The following DEPTOR variants were observed in gnomAD, a reference collection of about 807,000 sequenced individuals.
DEPTOR encodes the protein DEP domain containing MTOR interacting protein.
In DEPTOR, 41 loss-of-function variants were observed where a neutral mutation model predicts 41.6. That is an observed-to-expected ratio of 0.98 (90% confidence interval 0.77 to 1.28). The LOEUF is 1.28. DEPTOR is among the 50% of genes most tolerant of loss of function. The probability of loss-of-function intolerance (pLI) is 0.00; values close to 1 mark genes in which losing one functional copy is unlikely to be tolerated. For missense variants in DEPTOR, 514 were observed against 527.9 expected, an observed-to-expected ratio of 0.97 and a Z score of 0.26; for synonymous variants, 195 against 192.3, an observed-to-expected ratio of 1.01 and a Z score of -0.12.
At chr8:119,979,471 C>A (rs1206072100) in intron 4 of DEPTOR, among the ~76,000 whole-genome samples, 1 of 152,062 alleles carries the variant, frequency 6.6e-6, no homozygotes, top group Non-Finnish European at 1.5e-5. Context: ...CAATGTTGCC[C>A]AGGCTGGCCT....
At chr8:119,938,903 CTCTTTCTT>C (rs912154152) in intron 3 of DEPTOR, among the ~76,000 whole-genome samples, 2 of 140,774 alleles carry the variant, frequency 1.4e-5, no homozygotes, top group Non-Finnish European at 3.1e-5. Context: ...TTCTCTTTCT[CTCTTTCTT>C]TCTCTTTCTT....
intron 4 of DEPTOR, among the ~76,000 whole-genome samples, chr8:119,994,048 C>A (rs753660417): frequency 6.6e-6 from 1 of 151,346 alleles, no homozygotes; most frequent in Non-Finnish European, 1.5e-5. Context: ...CCCAGCTACT[C>A]GGGAGGCTGA....
chr8:119,900,356 A>ATTTTTTT (rs1827572863), intron 1 of DEPTOR, among the ~76,000 whole-genome samples: 1 of 104,646 alleles, frequency 9.6e-6, no homozygotes. Context: ...AAAAAAAACT[A>ATTTTTTT]AATGTCTATT....
In DEPTOR at chr8:119,922,107, C is replaced by CGG. The variant is rs1316025198; in HGVS notation, c.123-6291_123-6290dup. On this transcript the variant is annotated intron_variant, in intron 1 of 8. Transcript: ENST00000286234. ...ACAAAAAATTAGCTGGGCATGGTGG[C>CGG]GGGCACCTGTAATTCCCACTACTCG... is the stretch of plus-strand genomic sequence containing the variant. Among the ~76,000 whole-genome samples, 3 of 151,758 alleles carry CGG rather than the reference C, an allele frequency of 2.0e-5. No individual in the cohort carries two copies. In the East Asian group the frequency reaches 5.8e-4, roughly 30 times the overall value.
At chr8:120,025,781 C>G (rs1478159046) in intron 8 of DEPTOR, among the ~76,000 whole-genome samples, 1 of 151,954 alleles carries the variant, frequency 6.6e-6, no homozygotes, top group East Asian at 2.0e-4. Context: ...TCTGCTCTTG[C>G]ACCCTTATCA....
intron 5 of DEPTOR, among the ~76,000 whole-genome samples, 186 bp from the exon 6 acceptor site, chr8:120,002,791 A>AAAAAAAATATATATATATATATATAT: frequency 1.6e-5 from 1 of 60,672 alleles, no homozygotes; most frequent in Non-Finnish European, 2.9e-5. Context: ...AAAAAAAAAA[A>AAAAAAAATATATATATATATATATAT]ATATATATAT....
chr8:119,940,585 A>C (rs1205664083), intron 3 of DEPTOR, among the ~76,000 whole-genome samples: 2 of 151,904 alleles, frequency 1.3e-5, no homozygotes, highest in Non-Finnish European at 2.9e-5. Flanking sequence ...GTCTCTACTG[A>C]AAATACAAAA....
At chr8:119,887,170 T>C (rs1399113198) in intron 1 of DEPTOR, among the ~76,000 whole-genome samples, 4 of 64,596 alleles carry the variant, frequency 6.2e-5, no homozygotes, top group African/African-American at 1.9e-4. Context: ...CTCCCCTCCC[T>C]TCCCTTCCCT....
In DEPTOR at chr8:120,049,966, G is replaced by C. The variant is rs886573598; in HGVS notation, c.*262G>C. 3.6e-6 allele frequency: 1 copy of C among 280,086 alleles called. No individual in the cohort carries two copies. The highest frequency in any genetic ancestry group is 2.2e-5 in the African/African-American group (1 of 45,852). The allele number at this position is 280,086 out of a possible 1,614,324, so 17.4% of individuals were successfully genotyped here. On this transcript the variant is annotated 3_prime_UTR_variant, in exon 9 of 9. Transcript: ENST00000286234. ...GAACTGCCTTACTAGATTTCTATTT[G>C]TAGCTCTCATTCATTGTTTTTTATC...
chr8:120,030,774 G>A (rs1029816574), intron 8 of DEPTOR, among the ~76,000 whole-genome samples: 3 of 151,882 alleles, frequency 2.0e-5, no homozygotes, highest in African/African-American at 7.3e-5. Flanking sequence ...GATTACCGGT[G>A]TAAGCCGCCA....
At chr8:119,925,219 G>C (rs147386543) in intron 1 of DEPTOR, among the ~76,000 whole-genome samples, 2 of 151,966 alleles carry the variant, frequency 1.3e-5, no homozygotes, top group African/African-American at 4.8e-5. Flanking sequence ...GTGAAACCCC[G>C]TCTCTACTAA....
chr8:119,959,597 G>A (rs1828463973), intron 3 of DEPTOR, among the ~76,000 whole-genome samples: 1 of 151,678 alleles, frequency 6.6e-6, no homozygotes, highest in Non-Finnish European at 1.5e-5. Context: ...TGCGATCTCG[G>A]TTCACTGCAA....
At chr8:119,919,789 T>C (rs1320875888) in intron 1 of DEPTOR, among the ~76,000 whole-genome samples, 3 of 152,264 alleles carry the variant, frequency 2.0e-5, no homozygotes, top group Non-Finnish European at 4.4e-5. Context: ...CTGAGATTTA[T>C]GACGCTGTTT....
intron 1 of DEPTOR, among the ~76,000 whole-genome samples, chr8:119,927,520 T>C (rs539578471): frequency 3.0e-4 from 46 of 150,826 alleles, no homozygotes; most frequent in African/African-American, 1.1e-3. Context: ...AGGCAGATTC[T>C]TCCTTTATGA....
At chr8:119,962,895 G>A (rs560711387) in intron 3 of DEPTOR, among the ~76,000 whole-genome samples, 1 of 152,164 alleles carries the variant, frequency 6.6e-6, no homozygotes, top group African/African-American at 2.4e-5. Context: ...TGGGCAGGGG[G>A]TGAGGAAGAG....
intron 1 of DEPTOR, among the ~76,000 whole-genome samples, chr8:119,911,609 T>C (rs62528671): frequency 0.72 from 108,788 of 151,638 alleles, 39,456 homozygotes; most frequent in East Asian, 0.95. Flanking sequence ...TGAGCCACCG[T>C]GCCTGGCCCC....
Position 119,923,023 on chromosome 8 carries a change from G to T in DEPTOR, c.123-5377G>T, listed in dbSNP as rs1443765477. ...CCGAACATGGGCTGGTTGTCAAAAG[G>T]AAGAACTGAACCTCATTGGCTTGCT... On this transcript the variant is annotated intron_variant, in intron 1 of 8. Transcript: ENST00000286234. 7.6e-5 allele frequency among the ~76,000 whole-genome samples: 6 copies of T among 79,274 alleles called. No homozygotes were observed. In the East Asian group the frequency reaches 1.2e-3, roughly 16 times the overall value. 52.0% of individuals were successfully genotyped at this position (79,274 alleles called of 152,430 possible). A position where few individuals can be genotyped will look rare whatever the true frequency, so the allele number is the denominator to read the frequency against.
At chr8:119,974,263 A>T (rs1332465085) in intron 4 of DEPTOR, among the ~76,000 whole-genome samples, 2 of 122,488 alleles carry the variant, frequency 1.6e-5, no homozygotes, top group Non-Finnish European at 3.6e-5. Context: ...AAAAAAAAAA[A>T]GAGAAAGAAG....
chr8:119,967,046 T>A (rs1251638115), intron 4 of DEPTOR, among the ~76,000 whole-genome samples: 3 of 152,028 alleles, frequency 2.0e-5, no homozygotes, highest in African/African-American at 7.2e-5. Context: ...GGCAGGACCC[T>A]TTCTGGAATG....
Sources: allele counts gnomAD v4.1 joint callset (sites outside exome capture counted in the v4.1 genomes callset), GRCh38; gene constraint gnomAD v4.1.1; transcripts MANE v1.5; gene names NCBI Gene and HGNC (gene_info 2026-07-23, HGNC 2026-07-21).